The following SGCZ variants were observed in gnomAD, a reference collection of about 807,000 sequenced individuals.
SGCZ encodes zeta-sarcoglycan.
A neutral mutation model predicts 41.3 loss-of-function variants in SGCZ; 40 were observed. The ratio of observed to expected loss-of-function variants is 0.97; its 90% CI spans 0.75 to 1.26. The LOEUF is 1.26. Among genes scored for constraint, SGCZ ranks in the 50% most tolerant of loss-of-function variants. The pLI, the probability that SGCZ is intolerant of heterozygous loss-of-function variation, is 0.00. For synonymous variants in SGCZ, 206 were observed against 137.5 expected, an observed-to-expected ratio of 1.50 and a Z score of -3.49; for missense variants, 552 against 369.8, an observed-to-expected ratio of 1.49 and a Z score of -4.04.
chr8:14,204,471 C>T (rs1272619090), intron 4 of SGCZ, among the ~76,000 whole-genome samples: 3 of 152,030 alleles, frequency 2.0e-5, no homozygotes, highest in African/African-American at 7.2e-5. Flanking sequence ...TGTTGACCTG[C>T]CTTGAAGCAC....
At chr8:14,340,676 A>G (rs542920503) in intron 2 of SGCZ, among the ~76,000 whole-genome samples, 2 of 152,340 alleles carry the variant, frequency 1.3e-5, no homozygotes, top group East Asian at 3.9e-4. Flanking sequence ...ACAGTAGCTT[A>G]TAGCAGACTA....
At chr8:14,714,030 C>T (rs756086982) in intron 1 of SGCZ, among the ~76,000 whole-genome samples, 29 of 152,166 alleles carry the variant, frequency 1.9e-4, no homozygotes, top group African/African-American at 3.1e-4. Flanking sequence ...TGCAATGGTG[C>T]GATCTCAGCT....
chr8:15,131,218 G>A (rs1339985892), intron 1 of SGCZ, among the ~76,000 whole-genome samples: 2 of 152,190 alleles, frequency 1.3e-5, no homozygotes, highest in Admixed American at 1.3e-4. Context: ...CTCATGTGCT[G>A]TGGGAAGGGC....
In SGCZ at chr8:14,914,989, G is replaced by C. The variant is rs144067059; in HGVS notation, c.39+322596C>G. 2.0e-3 allele frequency among the ~76,000 whole-genome samples: 303 copies of C among 152,238 alleles called. 1 individual carries two copies. Among genetic ancestry groups the C allele is most frequent in the African/African-American group, 7.1e-3 (294 of 41,540 alleles). ...TCGGAGAGAGGCATCATTTGGCAATGAGCATGACATATCTTTGCTACATCT... is the reference window on the plus strand; with the variant it reads ...TCGGAGAGAGGCATCATTTGGCAATCAGCATGACATATCTTTGCTACATCT... On this transcript the variant is annotated intron_variant, in intron 1 of 7. Coordinates refer to ENST00000382080, the MANE Select transcript of SGCZ (RefSeq NM_139167.4).
intron 1 of SGCZ, among the ~76,000 whole-genome samples, chr8:14,745,503 G>C (rs188569031): frequency 6.6e-6 from 1 of 152,064 alleles, no homozygotes; most frequent in African/African-American, 2.4e-5. Context: ...GGATGCTTGA[G>C]CCCAGGAGTT....
intron 1 of SGCZ, among the ~76,000 whole-genome samples, chr8:14,641,644 C>T (rs182215938): frequency 6.6e-6 from 1 of 151,776 alleles, no homozygotes; most frequent in East Asian, 1.9e-4. Flanking sequence ...CTCCAAAACA[C>T]AATCTTTCTC....
chr8:14,405,363 TCA>T (rs34179828), intron 2 of SGCZ, among the ~76,000 whole-genome samples: 29,564 of 152,150 alleles, frequency 0.19, 3,582 homozygotes, highest in Non-Finnish European at 0.28. Flanking sequence ...TTATTTTTTC[TCA>T]CACACATTCC....
intron 1 of SGCZ, among the ~76,000 whole-genome samples, chr8:15,183,588 A>T (rs1800242154): frequency 6.6e-6 from 1 of 152,172 alleles, no homozygotes; most frequent in South Asian, 2.1e-4. Context: ...TTTAGATGTG[A>T]AAGTTTCAGG....
intron 1 of SGCZ, among the ~76,000 whole-genome samples, chr8:15,119,436 G>A (rs1807395468): frequency 6.6e-6 from 1 of 151,874 alleles, no homozygotes; most frequent in Non-Finnish European, 1.5e-5. Context: ...AAGCTGAAGT[G>A]GGAGGATCAC....
chr8:14,254,183 G>T (rs1445588415), intron 3 of SGCZ, among the ~76,000 whole-genome samples: 1 of 152,028 alleles, frequency 6.6e-6, no homozygotes, highest in Non-Finnish European at 1.5e-5. Flanking sequence ...TCCTAGAGGT[G>T]AACCCTGGAT....
intron 2 of SGCZ, among the ~76,000 whole-genome samples, chr8:14,348,231 A>G (rs1802959488): frequency 1.3e-5 from 2 of 152,112 alleles, no homozygotes; most frequent in Non-Finnish European, 1.5e-5. Context: ...CATGTTTCCC[A>G]TACCAAGATT....
chr8:14,925,322 G>C (rs1211432011), intron 1 of SGCZ, among the ~76,000 whole-genome samples: 2 of 152,118 alleles, frequency 1.3e-5, no homozygotes, highest in Non-Finnish European at 2.9e-5. Flanking sequence ...TTATGGCTTA[G>C]TTTATTAATA....
chr8:15,186,156 G>A (rs747192635), intron 1 of SGCZ, among the ~76,000 whole-genome samples: 3 of 150,512 alleles, frequency 2.0e-5, no homozygotes, highest in African/African-American at 7.3e-5. Flanking sequence ...CAGCTACTCG[G>A]GAGGCTGAGC....
At position 15,122,097 on chromosome 8, in the gene SGCZ, G is replaced by T. The variant is rs116435657; in HGVS notation, c.39+115488C>A. 5.1e-3 allele frequency among the ~76,000 whole-genome samples: 777 copies of T among 151,904 alleles called. 4 individuals are homozygous for T. Among genetic ancestry groups the T allele is most frequent in the African/African-American group, 0.018 (758 of 41,412 alleles). The stretch of plus-strand genomic sequence containing the variant: ...CGTATTCTCATCTTTTAAATTTGGA[G>T]GTTTGATAAAATAATTCCAGACACC... On this transcript the variant is annotated intron_variant, in intron 1 of 7. Transcript: ENST00000382080.
At chr8:14,796,643 T>C (rs984800700) in intron 1 of SGCZ, among the ~76,000 whole-genome samples, 8 of 152,216 alleles carry the variant, frequency 5.3e-5, no homozygotes, top group Non-Finnish European at 4.4e-5. Context: ...TGACACTCTC[T>C]ACTTATTTTG....
chr8:14,227,087 G>C (rs1806398706), intron 4 of SGCZ, among the ~76,000 whole-genome samples: 1 of 152,050 alleles, frequency 6.6e-6, no homozygotes, highest in Admixed American at 6.6e-5. Flanking sequence ...CCGCAAGTGA[G>C]AAGAATAAGG....
Position 15,023,085 on chromosome 8 carries a change from T to C in SGCZ, c.39+214500A>G, listed in dbSNP as rs151111183. Among the ~76,000 whole-genome samples, 264 of 152,320 alleles carry C rather than the reference T, an allele frequency of 1.7e-3. 1 individual carries two copies. In the Middle Eastern group the frequency reaches 0.031, roughly 18 times the overall value. On this transcript the variant is annotated intron_variant, in intron 1 of 7. Transcript: ENST00000382080. Reference sequence around the variant, plus strand: ...TCTTGTTGCCAGAGAACAGTAACTGTTATTTCTTCCTGCTGCCAGCTGTCA... The same window carrying C: ...TCTTGTTGCCAGAGAACAGTAACTGCTATTTCTTCCTGCTGCCAGCTGTCA...
intron 1 of SGCZ, among the ~76,000 whole-genome samples, chr8:14,701,729 A>G (rs1809144249): frequency 6.6e-6 from 1 of 151,552 alleles, no homozygotes; most frequent in Non-Finnish European, 1.5e-5. Flanking sequence ...TCTTTCTCTC[A>G]CCAGCATCAG....
intron 3 of SGCZ, among the ~76,000 whole-genome samples, chr8:14,277,826 A>C (rs1289759562): frequency 1.3e-5 from 2 of 152,160 alleles, no homozygotes; most frequent in Non-Finnish European, 2.9e-5. Context: ...TTTCCCAAAG[A>C]AAGGTAATTG....
Sources: allele counts gnomAD v4.1 joint callset (sites outside exome capture counted in the v4.1 genomes callset), GRCh38; gene constraint gnomAD v4.1.1; transcripts MANE v1.5; gene names NCBI Gene and HGNC (gene_info 2026-07-23, HGNC 2026-07-21).